EPHA2: variants seen among roughly 807,000 people sequenced by gnomAD.
EPHA2 encodes the protein ephrin type-A receptor 2.
EPHA2 carries 54 observed loss-of-function variants against 104.9 expected under a neutral mutation model. The observed-to-expected ratio is 0.51, with a 90% CI of 0.41 to 0.65. EPHA2 has a LOEUF of 0.65. EPHA2 is among the 30% of genes least tolerant of loss of function. EPHA2 has a pLI of 0.00. For synonymous variants in EPHA2, 560 were observed against 559.1 expected (o/e 1.00, Z -0.02); for missense variants, 1,117 against 1,369.5 (o/e 0.82, Z 2.91).
intron 3 of EPHA2, among the ~76,000 whole-genome samples, chr1:16,141,753 C>T (rs193113573): frequency 6.6e-6 from 1 of 152,248 alleles, no homozygotes; most frequent in African/African-American, 2.4e-5. Context: ...TTGGCCCCAG[C>T]GCCCGGGGGT....
chr1:16,131,776 A>G lies in EPHA2; in HGVS notation c.2420T>C (p.Met807Thr), dbSNP rs918056240. The G allele has an allele frequency of 2.5e-6, 4 of 1,614,110 alleles. No individual in the cohort carries two copies. The highest frequency in any genetic ancestry group is 2.2e-5 in the East Asian group (1 of 44,882). ...ASDVWSFGIV[M>T]WEVMTYGERP... ...CTCGCCATAGGTCATCACCTCCCAC[A>G]TGACAATGCCAAAGCTCCACACGTC... is the stretch of plus-strand genomic sequence containing the variant. The change falls in exon 14 of 17, where the codon ATG (methionine) becomes ACG (threonine). Residue 807 changes from methionine to threonine, a missense_variant. This residue lies in a region of EPHA2 where 340 missense variants were observed against 480.5 expected (regional missense o/e 0.71). Coordinates refer to ENST00000358432, the MANE Select transcript of EPHA2 (RefSeq NM_004431.5). This position sits in a 1 kb window ranked among gnomAD's most constrained non-coding sequence, Gnocchi z 5.2.
Position 16,135,612 on chromosome 1 carries a change from C to T in EPHA2, c.1428+43G>A. On this transcript the variant is annotated intron_variant, in intron 6 of 16. Transcript: ENST00000358432. The surrounding 1 kb of genome is among the most constrained non-coding windows in gnomAD (Gnocchi z 4.3). ...ATCTATGTGACCAGCCTGTCCCCTG[C>T]TGTCGGCCCAGCTAGAGCCAGCCCC... is the stretch of plus-strand genomic sequence containing the variant. 1.3e-6 allele frequency: 2 copies of T among 1,567,146 alleles called. No homozygotes were observed. Among genetic ancestry groups the T allele is most frequent in the Non-Finnish European group, 1.8e-6 (2 of 1,137,434 alleles).
At chr1:16,138,523 C>A (rs1025121176) in intron 3 of EPHA2, 93 bp from the exon 4 acceptor site, 6 of 1,575,702 alleles carry the variant, frequency 3.8e-6, no homozygotes, top group Non-Finnish European at 5.2e-6. Context: ...GGGACCCCTG[C>A]CCTGCAAGCA....
At chr1:16,126,154 C>A (rs2024462142) in intron 16 of EPHA2, among the ~76,000 whole-genome samples, 1 of 152,118 alleles carries the variant, frequency 6.6e-6, no homozygotes. Flanking sequence ...CCCAGGAGCC[C>A]ACAGCCCTGC....
At chr1:16,143,644 C>A (rs1385288965) in intron 3 of EPHA2, among the ~76,000 whole-genome samples, 1 of 152,134 alleles carries the variant, frequency 6.6e-6, no homozygotes, top group Non-Finnish European at 1.5e-5. Flanking sequence ...GGAGCCCCTC[C>A]TCCCAAGGCA....
chr1:16,133,962 C>T (rs1366419408), intron 8 of EPHA2, 47 bp from the exon 9 acceptor site: 4 of 1,542,326 alleles, frequency 2.6e-6, no homozygotes, highest in Non-Finnish European at 3.5e-6. Context: ...TCAGTGAGGT[C>T]TGCTCCGGCC....
At chr1:16,138,827 TG>T (rs1401925602) in intron 3 of EPHA2, among the ~76,000 whole-genome samples, 1 of 152,188 alleles carries the variant, frequency 6.6e-6, no homozygotes, top group Non-Finnish European at 1.5e-5. Flanking sequence ...CAGACTAGCC[TG>T]TCCGGTCCCC....
At chr1:16,142,538 A>C (rs1203351002) in intron 3 of EPHA2, among the ~76,000 whole-genome samples, 3 of 150,282 alleles carry the variant, frequency 2.0e-5, no homozygotes, top group Non-Finnish European at 4.4e-5. Context: ...TGGGTAGATG[A>C]GTGTGTGGAT....
intron 1 of EPHA2, 100 bp downstream of exon 1, chr1:16,155,748 G>A (rs1224036755): frequency 2.0e-6 from 2 of 981,732 alleles, no homozygotes; most frequent in Non-Finnish European, 2.7e-6. Flanking sequence ...GGGACTGGGC[G>A]ACACCAGGTA....
Position 16,129,464 on chromosome 1 carries a change from G to A in EPHA2, c.2795C>T (p.Ala932Val), listed in dbSNP as rs2124192832. 1 of 1,613,758 alleles carries A rather than the reference G, an allele frequency of 6.2e-7. No homozygotes were observed. The part of the protein sequence containing the change: ...TEHFMAAGYT[A>V]IEKVVQMTND... The stretch of plus-strand genomic sequence containing the variant: ...GGTCATCTGCACCACCTTCTCGATG[G>A]CAGTGTAGCCGGCCGCCATGAAGTG... Residue 932 changes from alanine to valine, a missense_variant, in exon 16 of 17, where the codon GCC (alanine) becomes GTC (valine). Ala to Val is a moderately conservative substitution (Grantham distance 64). Coordinates refer to ENST00000358432, the MANE Select transcript of EPHA2 (RefSeq NM_004431.5).
intron 1 of EPHA2, 52 bp from the exon 2 acceptor site, chr1:16,151,015 G>A: frequency 6.3e-7 from 1 of 1,587,058 alleles, no homozygotes; most frequent in South Asian, 1.1e-5. Context: ...TCAGGAGTCA[G>A]ACCATGGCAG....
intron 1 of EPHA2, 126 bp from the exon 2 acceptor site, chr1:16,151,089 AG>A: frequency 1.2e-6 from 1 of 837,524 alleles, no homozygotes. Context: ...CCCACCACAC[AG>A]GGTCACCATA....
At chr1:16,129,368 G>T (rs573951406) in intron 16 of EPHA2, 66 bp downstream of exon 16, 142 of 1,570,068 alleles carry the variant, frequency 9.0e-5, no homozygotes, top group East Asian at 6.7e-5. Flanking sequence ...GGCTGGGGGG[G>T]GCATGGAGGC....
In EPHA2 at chr1:16,133,233, A is replaced by G; in HGVS notation, c.2000T>C (p.Met667Thr). ...RVDFLGEAGIMGQFSHHNIIR... is the reference protein window; with the variant it reads ...RVDFLGEAGITGQFSHHNIIR... ...GATGTTGTGGTGGCTGAACTGGCCC[A>G]TGATGCCGGCCTCGCCGAGGAAGTC... Residue 667 changes from methionine to threonine, a missense_variant, in exon 11 of 17, where the codon ATG becomes ACG. Met to Thr is a moderately conservative substitution (Grantham distance 81, BLOSUM62 -1). Transcript: ENST00000358432. 2 of 1,613,822 alleles carry G rather than the reference A, an allele frequency of 1.2e-6. No homozygotes were observed. The highest frequency in any genetic ancestry group is 1.7e-6 in the Non-Finnish European group (2 of 1,179,904).
In EPHA2 at chr1:16,131,834, C is replaced by A; in HGVS notation, c.2362G>T (p.Ala788Ser). The part of the protein sequence containing the change: ...KIPIRWTAPE[A>S]ISYRKFTSAS... Reference sequence around the variant, plus strand: ...GAGGTGAACTTCCGGTAGGAAATGGCCTCCGGGGCGGTCCAGCGGATGGGG... The same window carrying A: ...GAGGTGAACTTCCGGTAGGAAATGGACTCCGGGGCGGTCCAGCGGATGGGG... The change falls in exon 14 of 17, where the codon GCC (alanine) becomes TCC (serine). Residue 788 changes from alanine (A) to serine (S), a missense_variant. Ala to Ser is a moderately conservative substitution (Grantham distance 99, BLOSUM62 1). Around this residue, in one of 3 missense-constraint regions of EPHA2, gnomAD observed 340 missense variants for 480.5 expected, o/e 0.71. Coordinates refer to ENST00000358432, the MANE Select transcript of EPHA2 (RefSeq NM_004431.5). This position sits in a 1 kb window ranked among gnomAD's most constrained non-coding sequence, Gnocchi z 5.2. The A allele has an allele frequency of 6.2e-7, 1 of 1,614,090 alleles. No individual in the cohort carries two copies. Among genetic ancestry groups the A allele is most frequent in the Non-Finnish European group, 8.5e-7 (1 of 1,180,026 alleles).
intron 16 of EPHA2, among the ~76,000 whole-genome samples, chr1:16,126,171 A>AC (rs1158339806): frequency 6.6e-6 from 1 of 151,460 alleles, no homozygotes; most frequent in Non-Finnish European, 1.5e-5. Context: ...CTGCTTTCCC[A>AC]CCCCCACAGG....
intron 3 of EPHA2, among the ~76,000 whole-genome samples, chr1:16,138,907 C>T (rs2024771588): frequency 6.6e-6 from 1 of 152,312 alleles, no homozygotes; most frequent in African/African-American, 2.4e-5. Flanking sequence ...TGTTGACTGT[C>T]ACCACCACCC....
intron 3 of EPHA2, among the ~76,000 whole-genome samples, chr1:16,144,888 G>T (rs954088403): frequency 6.6e-6 from 1 of 152,180 alleles, no homozygotes; most frequent in Non-Finnish European, 1.5e-5. Context: ...ATCCTCTCTG[G>T]GTTGTGTGTG....
Position 16,135,225 on chromosome 1 carries a change from A to G in EPHA2, c.1429-36T>C. 6.2e-7 allele frequency: 1 copy of G among 1,612,102 alleles called. No individual in the cohort carries two copies. Among genetic ancestry groups the G allele is most frequent in the South Asian group, 1.1e-5 (1 of 91,016 alleles). On this transcript the variant is annotated intron_variant, in intron 6 of 16. Transcript: ENST00000358432. The surrounding 1 kb of genome is among the most constrained non-coding windows in gnomAD (Gnocchi z 4.3). ...GTGGCCGGCGGAGGAGCAGGCAGTG[A>G]GGGCAGGGCAGGGGCCTCGGCTCAG...
Sources: gnomAD v4.1 joint callset for allele counts (sites outside exome capture counted in the v4.1 genomes callset) on GRCh38, gnomAD v4.1.1 for gene constraint, gnomAD v4.1.1 regional missense constraint, Gnocchi (gnomAD v3.1) non-coding constraint, MANE v1.5 for transcripts, NCBI Gene and HGNC (gene_info 2026-07-23, HGNC 2026-07-21) for gene names.